Variants in NACC1 observed in about 807,000 individuals in gnomAD.
NACC1 encodes the protein nucleus accumbens associated 1.
In NACC1, 6 loss-of-function variants were observed where a neutral mutation model predicts 41.7. The observed-to-expected ratio is 0.14, with a 90% CI of 0.08 to 0.28. NACC1 has a LOEUF of 0.28. Ranked by LOEUF, NACC1 falls within the 10% of genes least tolerant of loss-of-function variation. The pLI, the probability that NACC1 is intolerant of heterozygous loss-of-function variation, is 1.00. For synonymous variants in NACC1, 338 were observed against 330.6 expected, an observed-to-expected ratio of 1.02 and a Z score of -0.24; for missense variants, 434 against 763.7, an observed-to-expected ratio of 0.57 and a Z score of 5.09.
At position 13,136,278 on chromosome 19, in the gene NACC1, A is replaced by G. The variant is rs751690496; in HGVS notation, c.993A>G (p.Arg331=). Residue 331 remains arginine, a synonymous_variant, in exon 3 of 6, where the codon CGA becomes CGG. Transcript: ENST00000292431. This position sits in a 1 kb window ranked among gnomAD's most constrained non-coding sequence, Gnocchi z 5.5. ...CGGAGCAGGTAGCCCCCGAGTCCCGAAATCGCATCCGGGTTCGGCAAGACC... is the reference window on the plus strand; with the variant it reads ...CGGAGCAGGTAGCCCCCGAGTCCCGGAATCGCATCCGGGTTCGGCAAGACC... ...ALPEQVAPES[R]NRIRVRQDLA... is the part of the protein sequence containing the mutation. 2.5e-6 allele frequency: 4 copies of G among 1,613,828 alleles called. No individual in the cohort carries two copies. Among genetic ancestry groups the G allele is most frequent in the Non-Finnish European group, 2.5e-6 (3 of 1,179,958 alleles).
intron 1 of NACC1, among the ~76,000 whole-genome samples, chr19:13,123,445 G>A (rs551414204): frequency 2.0e-5 from 3 of 152,308 alleles, no homozygotes; most frequent in African/African-American, 7.2e-5. Context: ...GAGGAGGAGC[G>A]AGTGGGAGGA....
intron 1 of NACC1, among the ~76,000 whole-genome samples, chr19:13,119,624 T>C (rs75383940): frequency 1.3e-5 from 2 of 152,198 alleles, no homozygotes; most frequent in Non-Finnish European, 2.9e-5. Flanking sequence ...TCCTTGAGCC[T>C]GAGTTCTGTG....
At position 13,137,574 on chromosome 19, in the gene NACC1, G is replaced by A. The variant is rs377339552; in HGVS notation, c.1323G>A (p.Lys441=). 19 of 1,552,296 alleles carry A rather than the reference G, an allele frequency of 1.2e-5. No individual in the cohort carries two copies. In the African/African-American group the frequency reaches 1.9e-4, roughly 16 times the overall value. ...PLDSRVLHAV[K]YYCQNFAPNF... ...ACAGCCGCGTGCTCCACGCTGTCAA[G>A]TGTGAGTGTTGGCCCAGCTGGACGA... is the stretch of plus-strand genomic sequence containing the variant. The change falls in exon 5 of 6, where the codon AAG becomes AAA. Residue 441 remains lysine, a splice_region_variant and synonymous_variant. Coordinates refer to ENST00000292431, the MANE Select transcript of NACC1 (RefSeq NM_052876.4). This position sits in a 1 kb window ranked among gnomAD's most constrained non-coding sequence, Gnocchi z 6.1.
chr19:13,124,746 G>C (rs938646092), intron 1 of NACC1, among the ~76,000 whole-genome samples: 16 of 152,080 alleles, frequency 1.1e-4, no homozygotes, highest in African/African-American at 3.6e-4. Context: ...CCCTTAACTG[G>C]CTTGTAGGTC....
chr19:13,135,808 C>T lies in NACC1; in HGVS notation c.601C>T (p.Arg201Cys), dbSNP rs751239305. Residue 201 changes from arginine to cysteine, a missense_variant, in exon 2 of 6, where the codon CGC (arginine) becomes TGC (cysteine). Arg to Cys is a radical substitution (Grantham distance 180, BLOSUM62 -3). Around this residue, in one of 4 missense-constraint regions of NACC1, gnomAD observed 234 missense variants for 308.3 expected, o/e 0.76. Transcript: ENST00000292431. ...KEAGGGGNGS[R>C]KMAKFSTPDL... is the part of the protein sequence containing the mutation. ...GGCTGGGGGCGGCGGCAATGGCAGC[C>T]GCAAGATGGCCAAGTTCTCCACGCC... 4 of 1,554,404 alleles carry T rather than the reference C, an allele frequency of 2.6e-6. No individual in the cohort carries two copies. The highest frequency in any genetic ancestry group is 1.2e-5 in the South Asian group (1 of 84,662).
In NACC1 at chr19:13,127,400, T is replaced by TTTTTTTTTTTTTTTTTTTC. The variant is rs1245933408; in HGVS notation, c.-8-7800_-8-7799insTTTTTTTTTTTTTTTTTTC. On this transcript the variant is annotated intron_variant, in intron 1 of 5. Transcript: ENST00000292431. ...TTTTTTTTTTTTTTTTTTTTTTTTT[T>TTTTTTTTTTTTTTTTTTTC]CGGTTAACTGGATGGGCCGGGTGCC... is the stretch of plus-strand genomic sequence containing the variant. Among the ~76,000 whole-genome samples the TTTTTTTTTTTTTTTTTTTC allele has an allele frequency of 2.2e-4, 22 of 100,868 alleles. 1 individual carries two copies. The highest frequency in any genetic ancestry group is 8.6e-4 in the African/African-American group (22 of 25,594). 66.2% of individuals were successfully genotyped at this position (100,868 alleles called of 152,430 possible). A position where few individuals can be genotyped will look rare whatever the true frequency, so the allele number is the denominator to read the frequency against.
In NACC1 at chr19:13,135,937, G is replaced by T. The variant is rs1039919780; in HGVS notation, c.730G>T (p.Gly244Cys). Residue 244 changes from glycine (G) to cysteine (C), a missense_variant, in exon 2 of 6, where the codon GGT (glycine) becomes TGT (cysteine). Coordinates refer to ENST00000292431, the MANE Select transcript of NACC1 (RefSeq NM_052876.4). ...AVAAGAGQPA[G>C]GVAAAGGVVS... ...GGCTGCGGGAGCAGGGCAGCCAGCC[G>T]GTGGGGTGGCAGCAGCAGGGGGTGT... 2 of 1,589,342 alleles carry T rather than the reference G, an allele frequency of 1.3e-6. No individual in the cohort carries two copies. The highest frequency in any genetic ancestry group is 1.7e-6 in the Non-Finnish European group (2 of 1,169,462).
rs2019768767 is a variant in NACC1, at chr19:13,140,188, C to G, written c.*1782C>G. ...TCCTGGCCGGGGCCTGAAACCTTAG[C>G]CCCCAGCCGGCCTGAGTGGGGGATA... On this transcript the variant is annotated 3_prime_UTR_variant, in exon 6 of 6. Transcript: ENST00000292431. This position sits in a 1 kb window ranked among gnomAD's most constrained non-coding sequence, Gnocchi z 4.0. 1 of 152,630 alleles carries G rather than the reference C, an allele frequency of 6.6e-6. No homozygotes were observed. Among genetic ancestry groups the G allele is most frequent in the South Asian group, 2.1e-4 (1 of 4,826 alleles). 9.5% of individuals were successfully genotyped at this position (152,630 alleles called of 1,614,324 possible).
intron 1 of NACC1, chr19:13,132,408 TAAAA>T (rs34652828): frequency 3.5e-5 from 4 of 114,676 alleles, no homozygotes; most frequent in Admixed American, 9.3e-5. Flanking sequence ...GACTCTGTCT[TAAAA>T]AAAAAAAAAA....
At chr19:13,130,343 G>A (rs1484516073) in intron 1 of NACC1, among the ~76,000 whole-genome samples, 2 of 152,076 alleles carry the variant, frequency 1.3e-5, no homozygotes, top group African/African-American at 4.8e-5. Context: ...CTCTCAGAGT[G>A]CTGTGATTAC....
intron 1 of NACC1, among the ~76,000 whole-genome samples, chr19:13,120,814 G>A (rs1004082723): frequency 6.6e-6 from 1 of 152,234 alleles, no homozygotes; most frequent in African/African-American, 2.4e-5. Flanking sequence ...GCCTCAGGCA[G>A]CTCCGGTTTG....
rs1235020310 is a variant in NACC1, at chr19:13,135,849, C to T, written c.642C>T (p.Asn214=). The part of the protein sequence containing the change: ...AKFSTPDLAA[N]RPHQPPPPQQ... ...TCTCCACGCCGGACCTGGCTGCCAA[C>T]CGGCCTCACCAGCCCCCGCCACCCC... is the stretch of plus-strand genomic sequence containing the variant. The change falls in exon 2 of 6, where the codon AAC becomes AAT. Residue 214 remains asparagine (N), a synonymous_variant. Coordinates refer to ENST00000292431, the MANE Select transcript of NACC1 (RefSeq NM_052876.4). The T allele has an allele frequency of 1.9e-6, 3 of 1,552,760 alleles. No homozygotes were observed. The highest frequency in any genetic ancestry group is 2.6e-6 in the Non-Finnish European group (3 of 1,151,266).
Position 13,136,880 on chromosome 19 carries a change from G to A in NACC1, c.1121-391G>A, listed in dbSNP as rs1325627473. Among the ~76,000 whole-genome samples the A allele has an allele frequency of 6.6e-6, 1 of 152,166 alleles. No individual in the cohort carries two copies. The highest frequency in any genetic ancestry group is 1.5e-5 in the Non-Finnish European group (1 of 68,022). Reference sequence around the variant, plus strand: ...CTCTTAAAAAAAGAAGAAGAAGACTGTGTTTGGTCCTTGGGTCAGAGTGCC... The same window carrying A: ...CTCTTAAAAAAAGAAGAAGAAGACTATGTTTGGTCCTTGGGTCAGAGTGCC... On this transcript the variant is annotated intron_variant, in intron 3 of 5. Coordinates refer to ENST00000292431, the MANE Select transcript of NACC1 (RefSeq NM_052876.4). The surrounding 1 kb of genome is among the most constrained non-coding windows in gnomAD (Gnocchi z 5.5).
intron 1 of NACC1, among the ~76,000 whole-genome samples, chr19:13,129,113 A>T (rs987626808): frequency 6.6e-6 from 1 of 152,110 alleles, no homozygotes; most frequent in Admixed American, 6.5e-5. Flanking sequence ...AGAAGTGAGT[A>T]GCTGAGGGTG....
In NACC1 at chr19:13,138,591, A is replaced by G; in HGVS notation, c.*185A>G. ...GAGAGCTGGGCCGGGAGAGGACCGC[A>G]GGGCAGGTGGCGTGAGGTCCGTGTT... On this transcript the variant is annotated 3_prime_UTR_variant, in exon 6 of 6. Coordinates refer to ENST00000292431, the MANE Select transcript of NACC1 (RefSeq NM_052876.4). The surrounding 1 kb of genome is among the most constrained non-coding windows in gnomAD (Gnocchi z 5.7). The G allele has an allele frequency of 3.4e-6, 3 of 885,392 alleles. No homozygotes were observed. Among genetic ancestry groups the G allele is most frequent in the Non-Finnish European group, 1.7e-6 (1 of 595,794 alleles). The allele number at this position is 885,392 out of a possible 1,614,324, so 54.8% of individuals were successfully genotyped here.
At chr19:13,134,252 G>A (rs2019670369) in intron 1 of NACC1, among the ~76,000 whole-genome samples, 2 of 151,986 alleles carry the variant, frequency 1.3e-5, no homozygotes. Context: ...AAGAGGCAGG[G>A]TTTCACCATG....
chr19:13,126,048 C>G (rs1008095064), intron 1 of NACC1, among the ~76,000 whole-genome samples: 1 of 141,030 alleles, frequency 7.1e-6, no homozygotes, highest in Non-Finnish European at 1.6e-5. Flanking sequence ...AAAGGCCTAA[C>G]TTTTTTTTTT....
chr19:13,138,142 C>CA lies in NACC1; in HGVS notation c.1325-4dup. On this transcript the variant is annotated splice_region_variant and splice_polypyrimidine_tract_variant and intron_variant, in intron 5 of 5. Transcript: ENST00000292431. This position sits in a 1 kb window ranked among gnomAD's most constrained non-coding sequence, Gnocchi z 5.7. The stretch of plus-strand genomic sequence containing the variant: ...TGCCAAGGCCGCACCCACCCTGCCC[C>CA]ACAGACTACTGCCAGAACTTCGCCC... The CA allele has an allele frequency of 1.2e-6, 2 of 1,613,032 alleles. No homozygotes were observed. The highest frequency in any genetic ancestry group is 1.7e-6 in the Non-Finnish European group (2 of 1,179,126).
At position 13,138,667 on chromosome 19, in the gene NACC1, T is replaced by C; in HGVS notation, c.*261T>C. 1 of 536,084 alleles carries C rather than the reference T, an allele frequency of 1.9e-6. No individual in the cohort carries two copies. Among genetic ancestry groups the C allele is most frequent in the Non-Finnish European group, 3.4e-6 (1 of 297,666 alleles). The allele number at this position is 536,084 out of a possible 1,614,324, so 33.2% of individuals were successfully genotyped here. A position where few individuals can be genotyped will look rare whatever the true frequency, so the allele number is the denominator to read the frequency against. On this transcript the variant is annotated 3_prime_UTR_variant, in exon 6 of 6. Coordinates refer to ENST00000292431, the MANE Select transcript of NACC1 (RefSeq NM_052876.4). This position sits in a 1 kb window ranked among gnomAD's most constrained non-coding sequence, Gnocchi z 5.7. ...GTGGGGGAGTTCTGGCTCCCCAACC[T>C]AACCCCTAGCCGTCATCTCCACACT...
Sources: gnomAD v4.1 joint callset for allele counts (sites outside exome capture counted in the v4.1 genomes callset) on GRCh38, gnomAD v4.1.1 for gene constraint, gnomAD v4.1.1 regional missense constraint, Gnocchi (gnomAD v3.1) non-coding constraint, MANE v1.5 for transcripts, NCBI Gene and HGNC (gene_info 2026-07-23, HGNC 2026-07-21) for gene names.